The following PDE11A variants were observed in gnomAD, a reference collection of about 807,000 sequenced individuals.
PDE11A encodes dual 3',5'-cyclic-AMP and -GMP phosphodiesterase 11A.
A neutral mutation model predicts 100.5 loss-of-function variants in PDE11A; 100 were observed. The observed-to-expected ratio is 1.00, with a 90% confidence interval of 0.85 to 1.18. The LOEUF (loss-of-function observed/expected upper bound fraction) is 1.18, where lower values mean the gene tolerates loss of function less well. PDE11A is among the 50% of genes most tolerant of loss of function. PDE11A has a pLI of 0.00. For synonymous variants in PDE11A, 381 were observed against 420.8 expected, an observed-to-expected ratio of 0.91 and a Z score of 1.16; for missense variants, 1,141 against 1,152.6, an observed-to-expected ratio of 0.99 and a Z score of 0.15.
At chr2:177,738,162 G>C (rs1164950202) in intron 10 of PDE11A, among the ~76,000 whole-genome samples, 1 of 152,126 alleles carries the variant, frequency 6.6e-6, no homozygotes, top group Non-Finnish European at 1.5e-5. Context: ...CAGTGGGGCA[G>C]TTTTTAGTAG....
At position 177,716,590 on chromosome 2, in the gene PDE11A, C is replaced by G. The variant is rs2081440441; in HGVS notation, c.2044-4712G>C. Among the ~76,000 whole-genome samples the G allele has an allele frequency of 2.0e-5, 3 of 152,096 alleles. No homozygotes were observed. In the South Asian group the frequency reaches 6.3e-4, roughly 32 times the overall value. On this transcript the variant is annotated intron_variant, in intron 12 of 19. Coordinates refer to ENST00000286063, the MANE Select transcript of PDE11A (RefSeq NM_016953.4). ...TGTATTTTGTTGTCATCTCTATCAT[C>G]TTAAAACTCAAAATGTTGAGTTTGG...
chr2:177,697,143 C>G (rs956753714), intron 15 of PDE11A, among the ~76,000 whole-genome samples, 189 bp downstream of exon 15: 1 of 152,190 alleles, frequency 6.6e-6, no homozygotes, highest in African/African-American at 2.4e-5. Context: ...GTAGTCCTGA[C>G]TCTCTTGGCT....
intron 5 of PDE11A, among the ~76,000 whole-genome samples, chr2:177,853,676 A>ATGTGTGTGTGTGTG (rs2083764873): frequency 2.8e-5 from 1 of 36,214 alleles, no homozygotes; most frequent in Non-Finnish European, 5.3e-5. Context: ...ATATATATAT[A>ATGTGTGTGTGTGTG]TATATGTGTG....
chr2:177,677,725 A>C (rs1374007767), intron 16 of PDE11A, among the ~76,000 whole-genome samples: 1 of 152,208 alleles, frequency 6.6e-6, no homozygotes, highest in Non-Finnish European at 1.5e-5. Flanking sequence ...AGAACTGAAG[A>C]AAACAAATGA....
chr2:177,801,693 AC>A (rs761768316), intron 9 of PDE11A, among the ~76,000 whole-genome samples: 18 of 152,134 alleles, frequency 1.2e-4, no homozygotes, highest in Admixed American at 4.6e-4. Context: ...TTAAAAATGA[AC>A]CTCAATGGCT....
chr2:178,104,411 T>A, exon 2 of PDE11A: 1 of 1,614,054 alleles, frequency 6.2e-7, no homozygotes, highest in Non-Finnish European at 8.5e-7. Context: ...CTTTTTCCAC[T>A]GTGTGGCACT....
intron 2 of PDE11A, among the ~76,000 whole-genome samples, chr2:178,088,587 T>G (rs1175118084): frequency 6.6e-6 from 1 of 152,238 alleles, no homozygotes; most frequent in Non-Finnish European, 1.5e-5. Context: ...ACATTTTCAC[T>G]TTAATTAAAT....
intron 1 of PDE11A, among the ~76,000 whole-genome samples, chr2:178,066,916 C>A (rs1420214421): frequency 6.6e-6 from 1 of 152,182 alleles, no homozygotes; most frequent in Non-Finnish European, 1.5e-5. Flanking sequence ...ACTTCTTTAA[C>A]CCCGGCCAGA....
chr2:177,790,332 A>C (rs375070152), intron 9 of PDE11A, among the ~76,000 whole-genome samples: 56 of 151,654 alleles, frequency 3.7e-4, no homozygotes, highest in African/African-American at 1.3e-3. Flanking sequence ...AACTGGCTAG[A>C]CATATGTAGA....
At chr2:178,047,462 C>CA (rs1252755818) in intron 1 of PDE11A, among the ~76,000 whole-genome samples, 3,197 of 104,882 alleles carry the variant, frequency 0.03, 58 homozygotes, top group Middle Eastern at 0.09. Flanking sequence ...GAGTCTGTCT[C>CA]AAAAAAAAAA....
At chr2:178,103,669 A>G (rs1057212187) in intron 2 of PDE11A, among the ~76,000 whole-genome samples, 1 of 151,882 alleles carries the variant, frequency 6.6e-6, no homozygotes, top group Non-Finnish European at 1.5e-5. Context: ...AAGGTGATAT[A>G]TATATATAAT....
At chr2:178,029,336 G>C (rs1414269265) in intron 1 of PDE11A, among the ~76,000 whole-genome samples, 1 of 151,992 alleles carries the variant, frequency 6.6e-6, no homozygotes, top group African/African-American at 2.4e-5. Context: ...ATAATAAAAA[G>C]ATAACTAGTG....
At chr2:177,868,960 A>C (rs945327593) in intron 5 of PDE11A, among the ~76,000 whole-genome samples, 4 of 152,240 alleles carry the variant, frequency 2.6e-5, no homozygotes, top group African/African-American at 9.6e-5. Context: ...CATCACTTTG[A>C]AGGTTAAGTA....
At chr2:178,103,309 T>C (rs781272395) in intron 2 of PDE11A, among the ~76,000 whole-genome samples, 10 of 152,128 alleles carry the variant, frequency 6.6e-5, no homozygotes, top group Non-Finnish European at 1.0e-4. Context: ...TATGATCCAA[T>C]AGGCAAATCC....
intron 10 of PDE11A, among the ~76,000 whole-genome samples, chr2:177,766,573 T>C (rs1400257001): frequency 6.6e-6 from 1 of 152,240 alleles, no homozygotes; most frequent in African/African-American, 2.4e-5. Flanking sequence ...AAACAAAGCA[T>C]GTATTTACTA....
rs1347332821 is a variant in PDE11A, at chr2:177,758,212, G to A, written c.1788+11111C>T. Among the ~76,000 whole-genome samples the A allele has an allele frequency of 4.1e-5, 6 of 147,808 alleles. No individual in the cohort carries two copies. In the South Asian group the frequency reaches 1.1e-3, roughly 26 times the overall value. On this transcript the variant is annotated intron_variant, in intron 10 of 19. Coordinates refer to ENST00000286063, the MANE Select transcript of PDE11A (RefSeq NM_016953.4). ...CTCGGGAGGCTGAGGCAGGAGAATA[G>A]CATGAACCCGGGATGCGGAGCTTGC...
Position 177,922,693 on chromosome 2 carries a change from T to C in PDE11A, c.1072-17506A>G, listed in dbSNP as rs36121526. 0.084 allele frequency: 83,036 copies of C among 984,638 alleles called. 3,630 individuals carry two copies. Among genetic ancestry groups the C allele is most frequent in the South Asian group, 0.099 (2,112 of 21,264 alleles). 61.0% of individuals were successfully genotyped at this position (984,638 alleles called of 1,614,324 possible). On this transcript the variant is annotated intron_variant, in intron 2 of 19. Coordinates refer to ENST00000286063, the MANE Select transcript of PDE11A (RefSeq NM_016953.4). ...TCACTTCCCACTCCCTCACCCCCAC[T>C]CCAATCCAAGCTACCTTTCTGGCTG...
At chr2:177,813,425 G>T (rs1481955157) in intron 9 of PDE11A, among the ~76,000 whole-genome samples, 1 of 152,082 alleles carries the variant, frequency 6.6e-6, no homozygotes, top group African/African-American at 2.4e-5. Flanking sequence ...TGAATATATA[G>T]AAATCAGTGG....
chr2:178,056,991 T>A (rs1162350972), intron 1 of PDE11A, among the ~76,000 whole-genome samples: 2 of 150,640 alleles, frequency 1.3e-5, no homozygotes, highest in Non-Finnish European at 3.0e-5. Context: ...AAAGAAGAAA[T>A]TAAGAGGACA....
Sources: gnomAD v4.1 joint callset for allele counts (sites outside exome capture counted in the v4.1 genomes callset) on GRCh38, gnomAD v4.1.1 for gene constraint, MANE v1.5 for transcripts, NCBI Gene and HGNC (gene_info 2026-07-23, HGNC 2026-07-21) for gene names.